The following KCNIP4 variants were observed in gnomAD, a reference collection of about 807,000 sequenced individuals.
KCNIP4 encodes Kv channel-interacting protein 4.
In KCNIP4, 12 loss-of-function variants were observed where a neutral mutation model predicts 34.0. That is an observed-to-expected ratio of 0.35 (90% CI 0.23 to 0.57). The LOEUF (loss-of-function observed/expected upper bound fraction) is 0.57, where lower values mean the gene tolerates loss of function less well. KCNIP4 is among the 20% of genes least tolerant of loss of function. KCNIP4 has a pLI of 0.83. For synonymous variants in KCNIP4, 124 were observed against 102.2 expected (o/e 1.21, Z -1.29); for missense variants, 238 against 311.7 (o/e 0.76, Z 1.78).
chr4:20,841,371 G>A (rs943537620), intron 3 of KCNIP4, among the ~76,000 whole-genome samples: 8 of 152,128 alleles, frequency 5.3e-5, no homozygotes, highest in Non-Finnish European at 1.0e-4. Context: ...GAATAGGGGA[G>A]GAGTCCACAA....
At chr4:21,818,966 A>G (rs997483063) in intron 1 of KCNIP4, among the ~76,000 whole-genome samples, 4 of 152,186 alleles carry the variant, frequency 2.6e-5, no homozygotes, top group Non-Finnish European at 5.9e-5. Flanking sequence ...GATGCAAAAG[A>G]CATCACATCC....
intron 1 of KCNIP4, among the ~76,000 whole-genome samples, chr4:21,080,569 T>C (rs538353548): frequency 9.9e-4 from 150 of 152,012 alleles, no homozygotes; most frequent in Admixed American, 2.6e-3. Flanking sequence ...ATTTCCTTTT[T>C]GAACAATAAA....
intron 1 of KCNIP4, among the ~76,000 whole-genome samples, chr4:21,907,406 T>C (rs901083557): frequency 6.6e-6 from 1 of 152,188 alleles, no homozygotes; most frequent in Non-Finnish European, 1.5e-5. Flanking sequence ...GTTCTTGGAC[T>C]TTCTAGCCTC....
At position 21,002,981 on chromosome 4, in the gene KCNIP4, G is replaced by T. The variant is rs147122349; in HGVS notation, c.62-120272C>A. ...TATAAACATCCCTCACATAATGAAA[G>T]ATTTGAGTATCATTTTCTGACTGCT... On this transcript the variant is annotated intron_variant, in intron 1 of 8. Transcript: ENST00000382152. Among the ~76,000 whole-genome samples, 859 of 152,220 alleles carry T rather than the reference G, an allele frequency of 5.6e-3. 4 individuals carry two copies. Among genetic ancestry groups the T allele is most frequent in the Admixed American group, 0.014 (214 of 15,300 alleles).
intron 3 of KCNIP4, among the ~76,000 whole-genome samples, chr4:20,821,338 G>T (rs2149445324): frequency 6.6e-6 from 1 of 152,230 alleles, no homozygotes; most frequent in South Asian, 2.1e-4. Flanking sequence ...CCCTGTGCTT[G>T]TTCCACCCTT....
intron 1 of KCNIP4, among the ~76,000 whole-genome samples, chr4:21,544,156 T>C (rs1247115336): frequency 6.6e-6 from 1 of 152,134 alleles, no homozygotes; most frequent in African/African-American, 2.4e-5. Context: ...ACCTGGATTC[T>C]GGTCCTTTCA....
intron 1 of KCNIP4, among the ~76,000 whole-genome samples, chr4:21,836,571 C>T (rs562562837): frequency 6.6e-6 from 1 of 152,182 alleles, no homozygotes; most frequent in South Asian, 2.1e-4. Flanking sequence ...GGAAAATTTG[C>T]AGTTAACTAG....
At chr4:20,749,325 C>T (rs1473459850) in intron 5 of KCNIP4, among the ~76,000 whole-genome samples, 1 of 152,078 alleles carries the variant, frequency 6.6e-6, no homozygotes, top group Non-Finnish European at 1.5e-5. Flanking sequence ...TTGACTTTAT[C>T]ATCTTTGTAT....
At chr4:21,535,355 T>C (rs1011017169) in intron 1 of KCNIP4, among the ~76,000 whole-genome samples, 2 of 152,204 alleles carry the variant, frequency 1.3e-5, no homozygotes, top group South Asian at 2.1e-4. Context: ...TTTCGACATA[T>C]GTTTTCAATG....
chr4:21,709,112 G>C (rs74286720), intron 1 of KCNIP4, among the ~76,000 whole-genome samples: 2,649 of 152,080 alleles, frequency 0.017, 76 homozygotes, highest in African/African-American at 0.053. Flanking sequence ...GTCTCATTCT[G>C]TTGTGAGGTG....
Position 21,278,015 on chromosome 4 carries a change from T to C in KCNIP4, c.62-395306A>G, listed in dbSNP as rs535057707. ...CTTTAAAAAATCGGAAGAAAACTGT[T>C]CTCCTAAATTCCAATATAAATTATA... On this transcript the variant is annotated intron_variant, in intron 1 of 8. Coordinates refer to ENST00000382152, the MANE Select transcript of KCNIP4 (RefSeq NM_025221.6). 2.6e-5 allele frequency among the ~76,000 whole-genome samples: 4 copies of C among 152,228 alleles called. No individual in the cohort carries two copies. In the East Asian group the frequency reaches 7.7e-4, roughly 29 times the overall value.
chr4:21,197,857 CAGTT>C (rs775907420), intron 1 of KCNIP4, among the ~76,000 whole-genome samples: 11 of 152,276 alleles, frequency 7.2e-5, no homozygotes, highest in African/African-American at 1.7e-4. Context: ...ACTTTGGACT[CAGTT>C]AGAACTATCA....
chr4:21,305,994 A>C (rs1712423727), intron 1 of KCNIP4, among the ~76,000 whole-genome samples: 1 of 152,198 alleles, frequency 6.6e-6, no homozygotes, highest in Admixed American at 6.5e-5. Context: ...GCTAATCTAG[A>C]TAGTCACTAC....
At chr4:20,991,568 G>A (rs182504451) in intron 1 of KCNIP4, among the ~76,000 whole-genome samples, 248 of 152,204 alleles carry the variant, frequency 1.6e-3, no homozygotes, top group African/African-American at 5.6e-3. Context: ...CCAGGGAGAC[G>A]TGATCTAAAA....
At chr4:21,287,486 G>C (rs1432862988) in intron 1 of KCNIP4, among the ~76,000 whole-genome samples, 1 of 152,106 alleles carries the variant, frequency 6.6e-6, no homozygotes, top group Non-Finnish European at 1.5e-5. Flanking sequence ...TGCTCAAAGT[G>C]AACAGCATAT....
Position 20,858,492 on chromosome 4 carries a change from C to A in KCNIP4, c.164-7825G>T, listed in dbSNP as rs546098124. Among the ~76,000 whole-genome samples the A allele has an allele frequency of 2.0e-5, 3 of 152,264 alleles. No individual in the cohort carries two copies. The South Asian group carries it at 6.2e-4, about 32-fold the overall frequency. ...CAGGTCTTGTTATCCACAAAGTTTGCACAATGAGTGCTGGGCAGTTTGCTA... is the reference window on the plus strand; with the variant it reads ...CAGGTCTTGTTATCCACAAAGTTTGAACAATGAGTGCTGGGCAGTTTGCTA... On this transcript the variant is annotated intron_variant, in intron 2 of 8. Coordinates refer to ENST00000382152, the MANE Select transcript of KCNIP4 (RefSeq NM_025221.6).
At chr4:21,309,419 T>G (rs1375338397) in intron 1 of KCNIP4, among the ~76,000 whole-genome samples, 1 of 152,198 alleles carries the variant, frequency 6.6e-6, no homozygotes, top group African/African-American at 2.4e-5. Flanking sequence ...TTATTAAGTA[T>G]TTCATACCTG....
chr4:21,706,504 AT>A (rs2109069782), intron 1 of KCNIP4, among the ~76,000 whole-genome samples: 1 of 152,290 alleles, frequency 6.6e-6, no homozygotes, highest in East Asian at 1.9e-4. Context: ...TCCTAATTGC[AT>A]TTTGGAGGAA....
intron 1 of KCNIP4, among the ~76,000 whole-genome samples, chr4:21,218,796 G>C (rs1260677283): frequency 6.6e-6 from 1 of 152,096 alleles, no homozygotes; most frequent in Non-Finnish European, 1.5e-5. Context: ...TAAACTTAGG[G>C]ATTTTGATTG....
Sources: gnomAD v4.1 joint callset for allele counts (sites outside exome capture counted in the v4.1 genomes callset) on GRCh38, gnomAD v4.1.1 for gene constraint, MANE v1.5 for transcripts, NCBI Gene and HGNC (gene_info 2026-07-23, HGNC 2026-07-21) for gene names.